HABP2: variants seen among roughly 807,000 people sequenced by gnomAD.
The protein encoded by HABP2 is hyaluronan binding protein 2.
Under a neutral mutation model 66.5 loss-of-function variants are expected in HABP2, and 65 were observed. The observed-to-expected ratio is 0.98, with a 90% CI of 0.80 to 1.20. The LOEUF is 1.20. HABP2 is among the 50% of genes most tolerant of loss of function. HABP2 has a pLI of 0.00. For missense variants in HABP2, 786 were observed against 691.0 expected, an observed-to-expected ratio of 1.14 and a Z score of -1.54; for synonymous variants, 263 against 253.9, an observed-to-expected ratio of 1.04 and a Z score of -0.34.
intron 9 of HABP2, among the ~76,000 whole-genome samples, chr10:113,583,014 T>C (rs1336510797): frequency 6.6e-6 from 1 of 152,224 alleles, no homozygotes; most frequent in African/African-American, 2.4e-5. Context: ...TGGGTAAAAG[T>C]TATAGCTTAT....
In HABP2 at chr10:113,574,375, C is replaced by G. The variant is rs868670264; in HGVS notation, c.193C>G (p.Pro65Ala). 5 of 1,581,088 alleles carry G rather than the reference C, an allele frequency of 3.2e-6. No homozygotes were observed. The Admixed American group carries it at 8.3e-5, about 26-fold the overall frequency. Reference sequence around the variant, plus strand: ...TAGCACACTTACCCACGCTGAGAATCCTGACTGGTACTACACTGAGGACCA... The same window carrying G: ...TAGCACACTTACCCACGCTGAGAATGCTGACTGGTACTACACTGAGGACCA... ...TSSTLTHAEN[P>A]DWYYTEDQAD... The change falls in exon 3 of 13, where the codon CCT becomes GCT. Residue 65 changes from proline (P) to alanine (A), a missense_variant. Pro to Ala is a conservative substitution (Grantham distance 27). Transcript: ENST00000351270.
chr10:113,576,149 C>G, intron 4 of HABP2, 145 bp downstream of exon 4: 1 of 606,754 alleles, frequency 1.6e-6, no homozygotes, highest in South Asian at 1.9e-5. Context: ...TGCAGGGTCC[C>G]AGGCAGCCTC....
At position 113,585,817 on chromosome 10, in the gene HABP2, A is replaced by G. The variant is rs745579257; in HGVS notation, c.1397A>G (p.Asp466Gly). ...GGAAAAGGGTCCCGCCAGCTCCTGG[A>G]TGCCAAAGTCAAGCTGATTGCCAAC... ...ETGKGSRQLL[D>G]AKVKLIANTL... Residue 466 changes from aspartate to glycine, a missense_variant, in exon 12 of 13, where the codon GAT becomes GGT. Asp to Gly is a moderately conservative substitution (Grantham distance 94, BLOSUM62 -1). Coordinates refer to ENST00000351270, the MANE Select transcript of HABP2 (RefSeq NM_004132.5). 6.2e-7 allele frequency: 1 copy of G among 1,613,810 alleles called. No individual in the cohort carries two copies. Among genetic ancestry groups the G allele is most frequent in the Non-Finnish European group, 8.5e-7 (1 of 1,179,700 alleles).
rs1212279673 is a variant in HABP2, at chr10:113,578,771, A to C, written c.713A>C (p.His238Pro). 6.2e-7 allele frequency: 1 copy of C among 1,612,114 alleles called. No homozygotes were observed. The highest frequency in any genetic ancestry group is 1.1e-5 in the South Asian group (1 of 90,994). The change falls in exon 7 of 13, where the codon CAT becomes CCT. Residue 238 changes from histidine to proline, a missense_variant. Transcript: ENST00000351270. ...YNMFMEDAETHGIGEHNFCRN... is the reference protein window; with the variant it reads ...YNMFMEDAETPGIGEHNFCRN... ...ATGTTTATGGAGGATGCTGAAACCC[A>C]TGGGATTGGGGAACACAATTTCTGC...
chr10:113,567,887 G>C (rs1319344876), intron 2 of HABP2, among the ~76,000 whole-genome samples: 1 of 152,248 alleles, frequency 6.6e-6, no homozygotes, highest in East Asian at 1.9e-4. Context: ...GTGAGGGCGA[G>C]ATGAAAAATG....
chr10:113,572,032 C>T (rs1845323737), intron 2 of HABP2, among the ~76,000 whole-genome samples: 1 of 152,234 alleles, frequency 6.6e-6, no homozygotes, highest in African/African-American at 2.4e-5. Flanking sequence ...GGCAGCCCAT[C>T]CCAAATGGAA....
chr10:113,553,052 T>TC, upstream of HABP2: 1 of 1,069,318 alleles, frequency 9.4e-7, no homozygotes, highest in Non-Finnish European at 1.4e-6. Context: ...CTGACATTTT[T>TC]CCCCCCTAAA....
intron 2 of HABP2, 21 bp from the exon 3 acceptor site, chr10:113,574,268 G>T (rs1232020320): frequency 8.4e-7 from 1 of 1,196,932 alleles, no homozygotes; most frequent in Non-Finnish European, 1.2e-6. Context: ...GATTTCTTCT[G>T]TCCTGTTACC....
At chr10:113,567,251 C>A (rs1845214700) in intron 1 of HABP2, among the ~76,000 whole-genome samples, 1 of 152,120 alleles carries the variant, frequency 6.6e-6, no homozygotes, top group African/African-American at 2.4e-5. Context: ...TGACACGAAC[C>A]CCTGCTGTGG....
chr10:113,579,717 T>G (rs1290756802), intron 7 of HABP2, among the ~76,000 whole-genome samples: 2 of 152,176 alleles, frequency 1.3e-5, no homozygotes, highest in African/African-American at 4.8e-5. Flanking sequence ...GAGGGGGTCT[T>G]TGTATGGCTT....
intron 12 of HABP2, among the ~76,000 whole-genome samples, chr10:113,586,489 G>GC (rs1845638754): frequency 8.4e-6 from 1 of 118,550 alleles, no homozygotes; most frequent in Non-Finnish European, 1.9e-5. Context: ...GGGGGGGGGG[G>GC]TGTTTTAGCC....
chr10:113,580,880 C>G (rs1414568086), intron 8 of HABP2, among the ~76,000 whole-genome samples, 188 bp downstream of exon 8: 3 of 152,226 alleles, frequency 2.0e-5, no homozygotes, highest in African/African-American at 7.2e-5. Context: ...GGTCTGGATA[C>G]CTTTGTGGGT....
intron 1 of HABP2, among the ~76,000 whole-genome samples, chr10:113,557,892 C>G (rs1845026904): frequency 6.6e-6 from 1 of 152,224 alleles, no homozygotes; most frequent in Non-Finnish European, 1.5e-5. Context: ...TCTCATTTTA[C>G]AGACAAGAAA....
intron 2 of HABP2, chr10:113,569,980 CTGAGAGACCCCAAACATGGACTGAGTTA>C (rs1565100764): frequency 6.6e-6 from 1 of 152,250 alleles, no homozygotes; most frequent in African/African-American, 2.4e-5. Context: ...TGAGCATTTT[CTGAGAGACCCCAAACATGGACTGAGTTA>C]ATCCTGGTCA....
At chr10:113,553,792 G>T (rs192253645) in intron 1 of HABP2, among the ~76,000 whole-genome samples, 4 of 152,278 alleles carry the variant, frequency 2.6e-5, no homozygotes, top group African/African-American at 4.8e-5. Context: ...GTTGCAGTGC[G>T]CAGGGAAGGG....
chr10:113,586,999 C>T (rs899689291), intron 12 of HABP2, among the ~76,000 whole-genome samples: 6 of 152,220 alleles, frequency 3.9e-5, no homozygotes, highest in African/African-American at 1.4e-4. Context: ...AACTCCTTCC[C>T]AGAAGATGGT....
At chr10:113,581,738 C>A in intron 8 of HABP2, 138 bp from the exon 9 acceptor site, 2 of 770,260 alleles carry the variant, frequency 2.6e-6, no homozygotes, top group South Asian at 1.6e-5. Context: ...TGCATGCCCA[C>A]CCTGTCTGCA....
intron 2 of HABP2, among the ~76,000 whole-genome samples, chr10:113,573,210 C>T (rs919048979): frequency 2.3e-4 from 35 of 152,336 alleles, no homozygotes; most frequent in Admixed American, 1.3e-3. Context: ...TCCCAAACTT[C>T]CACAGACCTA....
intron 1 of HABP2, among the ~76,000 whole-genome samples, chr10:113,555,560 T>C (rs1844976281): frequency 6.6e-6 from 1 of 152,160 alleles, no homozygotes; most frequent in African/African-American, 2.4e-5. Flanking sequence ...ATGTAGCAAA[T>C]GAGGACTGTT....
Sources: allele counts gnomAD v4.1 joint callset (sites outside exome capture counted in the v4.1 genomes callset), GRCh38; gene constraint gnomAD v4.1.1; transcripts MANE v1.5; gene names NCBI Gene and HGNC (gene_info 2026-07-23, HGNC 2026-07-21).